OPCML: variants seen among roughly 807,000 people sequenced by gnomAD.
OPCML encodes opioid-binding protein/cell adhesion molecule.
A neutral mutation model predicts 37.8 loss-of-function variants in OPCML; 13 were observed. The ratio of observed to expected loss-of-function variants is 0.34; its 90% confidence interval spans 0.22 to 0.55. OPCML has a LOEUF of 0.55. Among genes scored for constraint, OPCML ranks in the 20% least tolerant of loss-of-function variants. The pLI is 0.91. For synonymous variants in OPCML, 176 were observed against 168.8 expected (o/e 1.04, Z -0.33); for missense variants, 341 against 435.6 (o/e 0.78, Z 1.93).
rs189537294 is a variant in OPCML at position 133,489,586 on chromosome 11, G to A, written c.61+42678C>T. On this transcript the variant is annotated intron_variant, in intron 1 of 7. Coordinates refer to ENST00000524381, the MANE Select transcript of OPCML (RefSeq NM_001012393.5). ...AAAAGTCAAAAAACAACAGGTGTTA[G>A]TGAGGATGCAGAGACTAAAAAATGC... 2.4e-4 allele frequency among the ~76,000 whole-genome samples: 37 copies of A among 152,244 alleles called. No individual in the cohort carries two copies. The East Asian group carries it at 7.2e-3, about 29-fold the overall frequency.
intron 2 of OPCML, among the ~76,000 whole-genome samples, chr11:132,872,033 C>T (rs921748527): frequency 6.6e-6 from 1 of 152,144 alleles, no homozygotes; most frequent in Non-Finnish European, 1.5e-5. Context: ...ACTTTTCCTG[C>T]CTAGCACTGT....
chr11:132,434,565 C>A (rs977022053), intron 7 of OPCML, among the ~76,000 whole-genome samples: 1 of 152,108 alleles, frequency 6.6e-6, no homozygotes, highest in Non-Finnish European at 1.5e-5. Flanking sequence ...TCAGTGTTAC[C>A]CAAGCTCTTT....
intron 1 of OPCML, among the ~76,000 whole-genome samples, chr11:133,269,211 T>G (rs1295897628): frequency 6.6e-6 from 1 of 152,210 alleles, no homozygotes; most frequent in Non-Finnish European, 1.5e-5. Flanking sequence ...TTTATGTATC[T>G]GGCATTTTAA....
intron 1 of OPCML, among the ~76,000 whole-genome samples, chr11:133,436,141 A>T (rs898657014): frequency 5.5e-5 from 8 of 146,580 alleles, no homozygotes; most frequent in South Asian, 2.1e-4. Context: ...TCTCAAATTT[A>T]AAAAAAAATG....
At chr11:132,550,297 T>C (rs776450085) in intron 3 of OPCML, among the ~76,000 whole-genome samples, 16 of 152,184 alleles carry the variant, frequency 1.1e-4, no homozygotes, top group African/African-American at 3.9e-4. Context: ...TGGGGCCTGG[T>C]GGGCGGTGAC....
At chr11:133,029,922 A>G (rs1034675410) in intron 1 of OPCML, among the ~76,000 whole-genome samples, 17 of 152,160 alleles carry the variant, frequency 1.1e-4, no homozygotes, top group Non-Finnish European at 2.4e-4. Flanking sequence ...GGGAATAATT[A>G]TCTTCATCTT....
Position 133,141,045 on chromosome 11 carries a change from C to CGAAGACGAAGACGAAGACGAA in OPCML, c.62-198036_62-198035insTTCGTCTTCGTCTTCGTCTTC, listed in dbSNP as rs1439158073. ...ACGACGACGACGACGACGACGACGA[C>CGAAGACGAAGACGAAGACGAA]GACGAAGAAGAAGAAGAAGAAGAAG... On this transcript the variant is annotated intron_variant, in intron 1 of 7. Coordinates refer to ENST00000524381, the MANE Select transcript of OPCML (RefSeq NM_001012393.5). Among the ~76,000 whole-genome samples, 13 of 3,360 alleles carry CGAAGACGAAGACGAAGACGAA rather than the reference C, an allele frequency of 3.9e-3. 2 individuals carry two copies. The highest frequency in any genetic ancestry group is 0.029 in the Admixed American group (4 of 140). The allele number at this position is 3,360 out of a possible 152,430, so 2.2% of individuals were successfully genotyped here.
chr11:133,376,178 T>TA, intron 1 of OPCML, among the ~76,000 whole-genome samples: 1 of 145,792 alleles, frequency 6.9e-6, no homozygotes, highest in East Asian at 1.9e-4. Context: ...TACACAAGAG[T>TA]AAAAAATTGC....
chr11:133,461,813 C>A (rs906088138), intron 1 of OPCML, among the ~76,000 whole-genome samples: 2 of 151,704 alleles, frequency 1.3e-5, no homozygotes, highest in African/African-American at 4.8e-5. Flanking sequence ...CAAGAAACCC[C>A]AATAGTCAAT....
chr11:132,522,300 G>C (rs972396430), intron 4 of OPCML, among the ~76,000 whole-genome samples: 1 of 152,140 alleles, frequency 6.6e-6, no homozygotes, highest in African/African-American at 2.4e-5. Context: ...TCAGGCCAAA[G>C]AAATGAATCA....
chr11:132,807,870 C>T (rs894969598), intron 2 of OPCML, among the ~76,000 whole-genome samples: 5 of 152,204 alleles, frequency 3.3e-5, no homozygotes, highest in East Asian at 1.9e-4. Context: ...CAAGCAAACT[C>T]TAGCCTGAAG....
intron 2 of OPCML, among the ~76,000 whole-genome samples, chr11:132,771,301 T>A (rs1178229482): frequency 6.6e-6 from 1 of 152,200 alleles, no homozygotes; most frequent in Non-Finnish European, 1.5e-5. Flanking sequence ...TTCCTGTTTC[T>A]TGCACGATGG....
At chr11:133,463,110 C>T (rs1321379716) in intron 1 of OPCML, among the ~76,000 whole-genome samples, 2 of 98,414 alleles carry the variant, frequency 2.0e-5, no homozygotes, top group African/African-American at 9.2e-5. Context: ...GAGTTCATGA[C>T]ATCAGGCTCA....
intron 2 of OPCML, among the ~76,000 whole-genome samples, chr11:132,711,471 G>A (rs370469604): frequency 2.0e-5 from 3 of 152,202 alleles, no homozygotes; most frequent in Non-Finnish European, 4.4e-5. Context: ...CATGAGTTGC[G>A]TGATTTTGAT....
At chr11:132,852,049 C>A (rs570599588) in intron 2 of OPCML, among the ~76,000 whole-genome samples, 4 of 152,288 alleles carry the variant, frequency 2.6e-5, no homozygotes, top group South Asian at 2.1e-4. Context: ...GTGAAAGGTG[C>A]CCTCTCTAGA....
intron 1 of OPCML, among the ~76,000 whole-genome samples, chr11:133,427,013 G>C (rs1349225783): frequency 1.3e-5 from 2 of 152,142 alleles, no homozygotes; most frequent in African/African-American, 2.4e-5. Flanking sequence ...GGCAGTATGA[G>C]GCAAAACTAG....
At chr11:132,812,250 G>A (rs1939390450) in intron 2 of OPCML, among the ~76,000 whole-genome samples, 1 of 152,140 alleles carries the variant, frequency 6.6e-6, no homozygotes, top group South Asian at 2.1e-4. Context: ...CATTTACACT[G>A]CGCATTGCAA....
intron 2 of OPCML, among the ~76,000 whole-genome samples, chr11:132,930,911 A>G (rs1167323183): frequency 6.6e-6 from 1 of 152,218 alleles, no homozygotes; most frequent in Non-Finnish European, 1.5e-5. Context: ...TGGCTTCCAA[A>G]ACATACTACA....
At chr11:133,102,489 C>T (rs1441808918) in intron 1 of OPCML, among the ~76,000 whole-genome samples, 1 of 152,146 alleles carries the variant, frequency 6.6e-6, no homozygotes, top group Non-Finnish European at 1.5e-5. Context: ...TGGCTCATGC[C>T]TGTAATCGCA....
Sources: allele counts gnomAD v4.1 joint callset (sites outside exome capture counted in the v4.1 genomes callset), GRCh38; gene constraint gnomAD v4.1.1; transcripts MANE v1.5; gene names NCBI Gene and HGNC (gene_info 2026-07-23, HGNC 2026-07-21).